PRMT7: variants seen among roughly 807,000 people sequenced by gnomAD.
PRMT7 encodes the protein protein arginine methyltransferase 7.
In PRMT7, 75 loss-of-function variants were observed where a neutral mutation model predicts 85.4. The observed-to-expected ratio is 0.88, with a 90% confidence interval of 0.73 to 1.06. The LOEUF (loss-of-function observed/expected upper bound fraction) is 1.06. Among genes scored for constraint, PRMT7 ranks in the 50% least tolerant of loss-of-function variants. The probability of loss-of-function intolerance (pLI) is 0.00; values close to 1 mark genes in which losing one functional copy is unlikely to be tolerated. For missense variants in PRMT7, 868 were observed against 915.2 expected (o/e 0.95, Z 0.67); for synonymous variants, 397 against 359.5 (o/e 1.10, Z -1.18).
intron 9 of PRMT7, 142 bp from the exon 10 acceptor site, chr16:68,345,533 T>G: frequency 8.0e-7 from 1 of 1,254,064 alleles, no homozygotes; most frequent in South Asian, 1.4e-5. Context: ...TAGAGTTTAT[T>G]TATCTCCTTG....
intron 13 of PRMT7, among the ~76,000 whole-genome samples, chr16:68,348,100 T>C (rs998092988): frequency 3.9e-5 from 6 of 152,180 alleles, no homozygotes; most frequent in African/African-American, 1.4e-4. Context: ...TCGCACTGAG[T>C]CCTGGTGTGC....
chr16:68,325,848 T>G (rs2083052687), intron 5 of PRMT7, among the ~76,000 whole-genome samples: 1 of 152,152 alleles, frequency 6.6e-6, no homozygotes, highest in South Asian at 2.1e-4. Context: ...CAGATTTTGA[T>G]TTAACTTTTC....
rs1390415986 is a variant in PRMT7 at position 68,333,546 on chromosome 16, C to T, written c.392-3913C>T. On this transcript the variant is annotated intron_variant, in intron 6 of 18. Coordinates refer to ENST00000441236, the MANE Select transcript of PRMT7 (RefSeq NM_019023.5). ...CTTTGTTTCACAGGCTGGTCTTGAA[C>T]GCCAGGCCTCACACAGTCCTTCTGC... is the stretch of plus-strand genomic sequence containing the variant. Among the ~76,000 whole-genome samples the T allele has an allele frequency of 3.3e-5, 5 of 151,912 alleles. No individual in the cohort carries two copies. The South Asian group carries it at 6.2e-4, about 19-fold the overall frequency.
rs781383670 is a variant in PRMT7 at position 68,345,800 on chromosome 16, C to G, written c.1053C>G (p.Thr351=). The G allele has an allele frequency of 1.9e-6, 3 of 1,613,882 alleles. No homozygotes were observed. Among genetic ancestry groups the G allele is most frequent in the Admixed American group, 1.7e-5 (1 of 59,994 alleles). Residue 351 remains threonine (T), a splice_region_variant and synonymous_variant, in exon 10 of 19, where the codon ACC becomes ACG. Coordinates refer to ENST00000441236, the MANE Select transcript of PRMT7 (RefSeq NM_019023.5). ...DYCVWYSLQR[T]SPEKNERVRQ... ...GCGTATGGTACAGCCTGCAGAGGAC[C>G]AGGTACGTCGAGCCTCGTGGGGGTG...
At chr16:68,325,859 T>C (rs1222597124) in intron 5 of PRMT7, among the ~76,000 whole-genome samples, 1 of 152,154 alleles carries the variant, frequency 6.6e-6, no homozygotes, top group Non-Finnish European at 1.5e-5. Context: ...TTAACTTTTC[T>C]GGGGTGAGGC....
intron 3 of PRMT7, among the ~76,000 whole-genome samples, chr16:68,318,593 G>A (rs765384332): frequency 3.9e-5 from 6 of 152,202 alleles, no homozygotes; most frequent in Non-Finnish European, 8.8e-5. Context: ...GAGTGCAGTG[G>A]CGCAGTCTCG....
chr16:68,331,442 A>G lies in PRMT7; in HGVS notation c.391+2268A>G, dbSNP rs575533189. On this transcript the variant is annotated intron_variant, in intron 6 of 18. Coordinates refer to ENST00000441236, the MANE Select transcript of PRMT7 (RefSeq NM_019023.5). ...ATATGCTGTTAAGTATATTTAGTAA[A>G]CTTTTCATTTCTCTTTCTTTGTTGT... Among the ~76,000 whole-genome samples the G allele has an allele frequency of 1.8e-4, 26 of 143,296 alleles. No homozygotes were observed. The South Asian group carries it at 6.0e-3, about 33-fold the overall frequency. 94.0% of individuals were successfully genotyped at this position (143,296 alleles called of 152,430 possible). A position where few individuals can be genotyped will look rare whatever the true frequency, so the allele number is the denominator to read the frequency against.
At chr16:68,356,956 G>A (rs1234812260) in intron 18 of PRMT7, 98 bp from the exon 19 acceptor site, 6 of 1,437,658 alleles carry the variant, frequency 4.2e-6, no homozygotes, top group South Asian at 4.0e-5. Context: ...CCCCTGAGCA[G>A]CTTCTCTCTG....
Position 68,339,278 on chromosome 16 carries a change from A to G in PRMT7, c.505-44A>G. The G allele has an allele frequency of 1.9e-6, 3 of 1,608,988 alleles. No individual in the cohort carries two copies. The East Asian group carries it at 6.7e-5, about 36-fold the overall frequency. On this transcript the variant is annotated intron_variant, in intron 7 of 18. Coordinates refer to ENST00000441236, the MANE Select transcript of PRMT7 (RefSeq NM_019023.5). ...GATCAATGGGAATTACTGTGGGTCT[A>G]AGCATCTGATTTTTGTTTGGTTTTG...
At chr16:68,322,421 C>G (rs764225329) in intron 4 of PRMT7, 1 of 450,252 alleles carries the variant, frequency 2.2e-6, no homozygotes, top group Non-Finnish European at 4.4e-6. Flanking sequence ...TGGTCTTGAT[C>G]CCCTGAGGTC....
At chr16:68,319,773 A>G (rs904979829) in intron 3 of PRMT7, among the ~76,000 whole-genome samples, 75 of 138,496 alleles carry the variant, frequency 5.4e-4, no homozygotes, top group Admixed American at 3.0e-3. Context: ...TAAGCTTTCT[A>G]GTGATTCTAG....
intron 9 of PRMT7, among the ~76,000 whole-genome samples, chr16:68,341,698 A>G (rs907062851): frequency 6.6e-6 from 1 of 152,112 alleles, no homozygotes; most frequent in Admixed American, 6.5e-5. Flanking sequence ...GTGAGCCGCT[A>G]TGCCCGGCTC....
At chr16:68,332,738 T>A (rs1227532591) in intron 6 of PRMT7, among the ~76,000 whole-genome samples, 4 of 152,180 alleles carry the variant, frequency 2.6e-5, no homozygotes, top group Non-Finnish European at 5.9e-5. Flanking sequence ...TTCCTGTCTG[T>A]TTAACTCAGC....
At chr16:68,324,590 C>T in intron 4 of PRMT7, 93 bp from the exon 5 acceptor site, 1 of 1,487,956 alleles carries the variant, frequency 6.7e-7, no homozygotes, top group Non-Finnish European at 9.2e-7. Flanking sequence ...CTGACTTGCA[C>T]TGCCACTGCC....
chr16:68,356,485 G>A (rs1161245664), intron 17 of PRMT7, among the ~76,000 whole-genome samples: 5 of 152,262 alleles, frequency 3.3e-5, no homozygotes, highest in African/African-American at 1.2e-4. Flanking sequence ...TGGCCCGGCT[G>A]CAGGGCTCGG....
rs771909134 is a variant in PRMT7 at position 68,345,817 on chromosome 16, G to T, written c.1055+15G>T. 1.2e-6 allele frequency: 2 copies of T among 1,613,786 alleles called. No individual in the cohort carries two copies. The highest frequency in any genetic ancestry group is 1.3e-5 in the African/African-American group (1 of 75,040). On this transcript the variant is annotated intron_variant, in intron 10 of 18. Coordinates refer to ENST00000441236, the MANE Select transcript of PRMT7 (RefSeq NM_019023.5). ...CAGAGGACCAGGTACGTCGAGCCTC[G>T]TGGGGGTGGAGGATGAGCCTCTGAG...
At position 68,325,016 on chromosome 16, in the gene PRMT7, TCTC is replaced by T. The variant is rs2082939050; in HGVS notation, c.282+188_282+190del. ...AGTTCCTTCCTCCAGGAGCTAATTT[TCTC>T]CTCTGTCAGCCTAGGCTGCACATCA... On this transcript the variant is annotated intron_variant, in intron 5 of 18. Coordinates refer to ENST00000441236, the MANE Select transcript of PRMT7 (RefSeq NM_019023.5). Among the ~76,000 whole-genome samples, 3 of 152,334 alleles carry T rather than the reference TCTC, an allele frequency of 2.0e-5. No homozygotes were observed. In the South Asian group the frequency reaches 6.2e-4, roughly 32 times the overall value.
intron 6 of PRMT7, among the ~76,000 whole-genome samples, chr16:68,336,898 G>A (rs1316759774): frequency 1.3e-5 from 2 of 152,236 alleles, no homozygotes; most frequent in East Asian, 1.9e-4. Flanking sequence ...GGTTACAGGC[G>A]TGTGCCATCA....
At chr16:68,331,156 T>G (rs1290623769) in intron 6 of PRMT7, among the ~76,000 whole-genome samples, 4 of 152,150 alleles carry the variant, frequency 2.6e-5, no homozygotes, top group Non-Finnish European at 4.4e-5. Context: ...TCATTATAGA[T>G]TAGATTTGCC....
Sources: gnomAD v4.1 joint callset for allele counts (sites outside exome capture counted in the v4.1 genomes callset) on GRCh38, gnomAD v4.1.1 for gene constraint, MANE v1.5 for transcripts, NCBI Gene and HGNC (gene_info 2026-07-23, HGNC 2026-07-21) for gene names.